RBFOX1: variants seen among roughly 807,000 people sequenced by gnomAD.
RBFOX1 encodes the protein RNA binding protein fox-1 homolog 1.
A neutral mutation model predicts 57.7 loss-of-function variants in RBFOX1; 8 were observed. The observed-to-expected ratio is 0.14, with a 90% CI of 0.08 to 0.25. The LOEUF is 0.25. Among genes scored for constraint, RBFOX1 ranks in the 10% least tolerant of loss-of-function variants. The pLI is 1.00. For missense variants in RBFOX1, 611 were observed against 548.5 expected, an observed-to-expected ratio of 1.11 and a Z score of -1.14; for synonymous variants, 326 against 222.4, an observed-to-expected ratio of 1.47 and a Z score of -4.15.
intron 3 of RBFOX1, among the ~76,000 whole-genome samples, chr16:5,693,509 CA>C (rs2050757429): frequency 4.0e-5 from 6 of 151,310 alleles, no homozygotes; most frequent in Admixed American, 3.9e-4. Context: ...ACTTGTGGAA[CA>C]AAAAAGGTTA....
At chr16:6,346,187 C>G (rs766811918) in intron 2 of RBFOX1, among the ~76,000 whole-genome samples, 2 of 152,114 alleles carry the variant, frequency 1.3e-5, no homozygotes, top group Non-Finnish European at 2.9e-5. Flanking sequence ...CTTTCCAACA[C>G]ATATGCAAGT....
In RBFOX1 at chr16:5,824,007, A is replaced by G. The variant is rs373145184; in HGVS notation, c.319-43296A>G. Among the ~76,000 whole-genome samples, 6 of 152,268 alleles carry G rather than the reference A, an allele frequency of 3.9e-5. No homozygotes were observed. The East Asian group carries it at 7.7e-4, about 20-fold the overall frequency. Reference sequence around the variant, plus strand: ...AGGCTGGGAACCACTGATCTATGGTATAAGAGTTAAGGACAAGGCCCTGTA... The same window carrying G: ...AGGCTGGGAACCACTGATCTATGGTGTAAGAGTTAAGGACAAGGCCCTGTA... On this transcript the variant is annotated intron_variant, in intron 3 of 19. Coordinates refer to the RBFOX1 transcript ENST00000641259.
chr16:6,477,446 G>T (rs2095291200), intron 2 of RBFOX1, among the ~76,000 whole-genome samples: 2 of 152,162 alleles, frequency 1.3e-5, no homozygotes, highest in African/African-American at 4.8e-5. Context: ...CCGGTGACCA[G>T]ATGTGTTGTC....
intron 12 of RBFOX1, among the ~76,000 whole-genome samples, chr16:7,658,165 G>A (rs2066792183): frequency 6.6e-6 from 1 of 152,062 alleles, no homozygotes; most frequent in Admixed American, 6.5e-5. Context: ...TGAACTTAGC[G>A]ACTTTATTAA....
chr16:7,044,283 A>G (rs1173596625), intron 3 of RBFOX1, among the ~76,000 whole-genome samples: 2 of 152,190 alleles, frequency 1.3e-5, no homozygotes, highest in Admixed American at 6.5e-5. Flanking sequence ...AAGGAAAGCC[A>G]CCTAAGGCTC....
At chr16:7,089,856 C>T (rs73540794) in intron 4 of RBFOX1, among the ~76,000 whole-genome samples, 1 of 151,868 alleles carries the variant, frequency 6.6e-6, no homozygotes, top group Non-Finnish European at 1.5e-5. Flanking sequence ...CACTACCTTC[C>T]TTTCCTGTGC....
intron 11 of RBFOX1, among the ~76,000 whole-genome samples, chr16:7,652,594 G>A (rs139826367): frequency 7.9e-5 from 12 of 152,260 alleles, no homozygotes; most frequent in African/African-American, 2.9e-4. Flanking sequence ...TTTTAGTAGA[G>A]ATGGGGTTTC....
At chr16:5,820,320 T>C (rs1462225066) in intron 3 of RBFOX1, among the ~76,000 whole-genome samples, 1 of 152,172 alleles carries the variant, frequency 6.6e-6, no homozygotes, top group African/African-American at 2.4e-5. Flanking sequence ...CAGAGACGTT[T>C]GCTAAAGGAA....
At chr16:6,581,534 C>A (rs189261258) in intron 2 of RBFOX1, among the ~76,000 whole-genome samples, 1 of 152,258 alleles carries the variant, frequency 6.6e-6, no homozygotes, top group Admixed American at 6.5e-5. Flanking sequence ...TGAAGCAAAC[C>A]GTAGGTGAGT....
At chr16:5,407,825 A>G (rs948706715) in intron 1 of RBFOX1, among the ~76,000 whole-genome samples, 5 of 152,208 alleles carry the variant, frequency 3.3e-5, no homozygotes, top group Non-Finnish European at 7.3e-5. Context: ...CTGGGATTAC[A>G]GGCGTGAGCC....
At chr16:5,464,894 C>T (rs1408986006) in intron 1 of RBFOX1, among the ~76,000 whole-genome samples, 1 of 152,170 alleles carries the variant, frequency 6.6e-6, no homozygotes, top group Admixed American at 6.5e-5. Context: ...AGGTCTGTAT[C>T]TGTTCAGCCC....
chr16:7,147,377 C>G (rs992599222), intron 4 of RBFOX1, among the ~76,000 whole-genome samples: 43 of 149,270 alleles, frequency 2.9e-4, no homozygotes, highest in African/African-American at 1.1e-3. Flanking sequence ...CACAGGTAAA[C>G]TGCATGTTCC....
intron 4 of RBFOX1, among the ~76,000 whole-genome samples, chr16:7,104,259 C>A (rs2063185237): frequency 6.6e-6 from 1 of 151,986 alleles, no homozygotes; most frequent in South Asian, 2.1e-4. Context: ...TCCCTGAGAC[C>A]CTCTTCACAC....
At chr16:6,626,491 G>A (rs2098309850) in intron 2 of RBFOX1, among the ~76,000 whole-genome samples, 1 of 152,174 alleles carries the variant, frequency 6.6e-6, no homozygotes, top group Non-Finnish European at 1.5e-5. Context: ...TGGGCATGGT[G>A]GCTTATGCCT....
rs549739150 is a variant in RBFOX1, at chr16:7,029,456, C to T, written c.-15-22601C>T. Among the ~76,000 whole-genome samples the T allele has an allele frequency of 9.2e-5, 14 of 151,676 alleles. No individual in the cohort carries two copies. The East Asian group carries it at 2.7e-3, about 30-fold the overall frequency. The stretch of plus-strand genomic sequence containing the variant: ...TCTGTCAAGAAAAATCATCTTCAGT[C>T]AGGATGGAATAGAGTTTGGTTTAGG... On this transcript the variant is annotated intron_variant, in intron 3 of 15. Coordinates refer to ENST00000550418, the MANE Select transcript of RBFOX1 (RefSeq NM_018723.4).
intron 3 of RBFOX1, among the ~76,000 whole-genome samples, chr16:5,744,908 G>C (rs754091924): frequency 3.3e-5 from 5 of 152,074 alleles, no homozygotes; most frequent in Non-Finnish European, 7.4e-5. Context: ...AAGTAGCGGG[G>C]ATTACAGGCA....
At chr16:7,701,528 C>A (rs1337873608) in intron 14 of RBFOX1, among the ~76,000 whole-genome samples, 1 of 152,152 alleles carries the variant, frequency 6.6e-6, no homozygotes, top group Non-Finnish European at 1.5e-5. Flanking sequence ...AAACTATTCT[C>A]CACCTCCCTG....
At chr16:5,507,972 G>A (rs1567174621) in intron 2 of RBFOX1, among the ~76,000 whole-genome samples, 1 of 152,248 alleles carries the variant, frequency 6.6e-6, no homozygotes, top group African/African-American at 2.4e-5. Context: ...ATTTGTTATG[G>A]CAGCCCTGGG....
At chr16:5,763,489 C>T (rs1288652932) in intron 3 of RBFOX1, among the ~76,000 whole-genome samples, 1 of 152,222 alleles carries the variant, frequency 6.6e-6, no homozygotes, top group African/African-American at 2.4e-5. Context: ...GCCCAGGAGG[C>T]TCTTGGGGAT....
Sources: allele counts gnomAD v4.1 joint callset (sites outside exome capture counted in the v4.1 genomes callset), GRCh38; gene constraint gnomAD v4.1.1; transcripts MANE v1.5; gene names NCBI Gene and HGNC (gene_info 2026-07-23, HGNC 2026-07-21).